The following CFAP69 variants were observed in gnomAD, a reference collection of about 807,000 sequenced individuals.
CFAP69 encodes the protein cilia- and flagella-associated protein 69.
A neutral mutation model predicts 123.0 loss-of-function variants in CFAP69; 92 were observed. The observed-to-expected ratio is 0.75, with a 90% CI of 0.63 to 0.89. The LOEUF is 0.89. Among genes scored for constraint, CFAP69 ranks in the 40% least tolerant of loss-of-function variants. The pLI, the probability that CFAP69 is intolerant of heterozygous loss-of-function variation, is 0.00. For synonymous variants in CFAP69, 380 were observed against 364.3 expected, an observed-to-expected ratio of 1.04 and a Z score of -0.49; for missense variants, 1,067 against 1,096.9, an observed-to-expected ratio of 0.97 and a Z score of 0.39.
chr7:90,257,930 A>AT (rs982943628), intron 2 of CFAP69, among the ~76,000 whole-genome samples, 168 bp from the exon 3 acceptor site: 1 of 152,154 alleles, frequency 6.6e-6, no homozygotes, highest in Non-Finnish European at 1.5e-5. Flanking sequence ...CTGATAGTTT[A>AT]TTTTTACCTT....
rs368963138 is a variant in CFAP69, at chr7:90,290,411, G to A, written c.1775+2059G>A. ...ACCTGAGTCCCAGCTCAGCAGTCAG[G>A]CAGAGGAGTTCCCTCTTACTCAGCC... On this transcript the variant is annotated intron_variant, in intron 15 of 22. Transcript: ENST00000389297. Among the ~76,000 whole-genome samples, 34 of 152,312 alleles carry A rather than the reference G, an allele frequency of 2.2e-4. No homozygotes were observed. In the East Asian group the frequency reaches 5.6e-3, roughly 25 times the overall value.
chr7:90,315,591 G>C (rs1794728408), downstream of CFAP69, among the ~76,000 whole-genome samples: 1 of 152,096 alleles, frequency 6.6e-6, no homozygotes, highest in Non-Finnish European at 1.5e-5. Flanking sequence ...CAGGCACTGA[G>C]GCCTACTTGA....
At position 90,271,964 on chromosome 7, in the gene CFAP69, C is replaced by A; in HGVS notation, c.860+6C>A. 1 of 1,605,928 alleles carries A rather than the reference C, an allele frequency of 6.2e-7. No individual in the cohort carries two copies. The highest frequency in any genetic ancestry group is 1.1e-5 in the South Asian group (1 of 89,442). On this transcript the variant is annotated splice_donor_region_variant and intron_variant, in intron 8 of 22. Coordinates refer to ENST00000389297, the MANE Select transcript of CFAP69 (RefSeq NM_001039706.3). ...AGTAACTTGGAATGTTTGCTGTAAG[C>A]GTATGTGGTTAGATAGGAATGTTCT... is the stretch of plus-strand genomic sequence containing the variant.
intron 3 of CFAP69, among the ~76,000 whole-genome samples, chr7:90,259,466 TGGGG>T (rs1368457514): frequency 3.3e-4 from 38 of 116,354 alleles, no homozygotes; most frequent in African/African-American, 1.3e-3. Context: ...TGTTTTGTTT[TGGGG>T]TGTTTGTTTG....
In CFAP69 at chr7:90,310,244, T is replaced by A; in HGVS notation, c.*6T>A. 6.3e-7 allele frequency: 1 copy of A among 1,581,536 alleles called. No individual in the cohort carries two copies. The highest frequency in any genetic ancestry group is 8.6e-7 in the Non-Finnish European group (1 of 1,162,172). On this transcript the variant is annotated 3_prime_UTR_variant, in exon 23 of 23. Coordinates refer to ENST00000389297, the MANE Select transcript of CFAP69 (RefSeq NM_001039706.3). Reference sequence around the variant, plus strand: ...AAAAGAGTATTCCTACGTAATATACTATAGAGACTTTTTGAAATAAAGTCA... The same window carrying A: ...AAAAGAGTATTCCTACGTAATATACAATAGAGACTTTTTGAAATAAAGTCA...
chr7:90,271,908 A>G lies in CFAP69; in HGVS notation c.810A>G (p.Lys270=). The change falls in exon 8 of 23, where the codon AAA becomes AAG. Residue 270 remains lysine (K), a synonymous_variant. Transcript: ENST00000389297. The part of the protein sequence containing the change: ...SSEILWNLLE[K]SSKEEVIQQL... Reference sequence around the variant, plus strand: ...AAATACTTTGGAACTTGCTGGAAAAATCTTCAAAAGAAGAAGTCATACAAC... The same window carrying G: ...AAATACTTTGGAACTTGCTGGAAAAGTCTTCAAAAGAAGAAGTCATACAAC... 1 of 1,613,224 alleles carries G rather than the reference A, an allele frequency of 6.2e-7. No homozygotes were observed.
rs971880168 is a variant in CFAP69 at position 90,307,783 on chromosome 7, A to G, written c.2479A>G (p.Lys827Glu). ...KVYAKIQATH[K>E]QRELANKSWE... The stretch of plus-strand genomic sequence containing the variant: ...CTCATTTCAGATACAGGCCACGCAC[A>G]AGCAAAGAGAGCTGGCTAATAAATC... Residue 827 changes from lysine (K) to glutamate (E), a missense_variant, in exon 21 of 23, where the codon AAG becomes GAG. Transcript: ENST00000389297. 1 of 1,607,144 alleles carries G rather than the reference A, an allele frequency of 6.2e-7. No homozygotes were observed. The highest frequency in any genetic ancestry group is 1.7e-5 in the Admixed American group (1 of 58,674).
At chr7:90,319,709 C>T in the CFAP69 span, 2 of 398,200 alleles carry the variant, frequency 5.0e-6, no homozygotes, top group Non-Finnish European at 8.8e-6. Flanking sequence ...ATCATGCAGC[C>T]CAAATGTAGA....
At chr7:90,256,846 T>C (rs536873063) in intron 2 of CFAP69, among the ~76,000 whole-genome samples, 6 of 152,214 alleles carry the variant, frequency 3.9e-5, no homozygotes, top group Non-Finnish European at 7.3e-5. Flanking sequence ...TTCAGGAACA[T>C]TTAAGATTAA....
intron 15 of CFAP69, among the ~76,000 whole-genome samples, chr7:90,292,695 G>A (rs1791368053): frequency 6.6e-6 from 1 of 152,150 alleles, no homozygotes; most frequent in African/African-American, 2.4e-5. Context: ...AAGATGAGTT[G>A]TCTTGACTCT....
chr7:90,304,367 G>T (rs1237484216), intron 18 of CFAP69: 32 of 1,225,628 alleles, frequency 2.6e-5, no homozygotes, highest in Non-Finnish European at 3.1e-5. Context: ...AGTTAGTTTA[G>T]ATGATTAAGC....
At chr7:90,321,667 A>C in the CFAP69 span, among the ~76,000 whole-genome samples, 1 of 152,200 alleles carries the variant, frequency 6.6e-6, no homozygotes. Context: ...AATTCTCTTA[A>C]GGCTGTGAAC....
chr7:90,288,621 A>C (rs1336421003), intron 15 of CFAP69, among the ~76,000 whole-genome samples: 3 of 152,118 alleles, frequency 2.0e-5, no homozygotes, highest in Non-Finnish European at 4.4e-5. Context: ...ATCTAAACAT[A>C]CCTAAACATT....
intron 19 of CFAP69, 98 bp downstream of exon 19, chr7:90,304,918 A>G (rs1290487625): frequency 1.6e-5 from 14 of 882,294 alleles, no homozygotes; most frequent in Non-Finnish European, 2.2e-5. Flanking sequence ...AATCATCTAC[A>G]TACTGTATAG....
chr7:90,253,101 C>T (rs573308094), intron 1 of CFAP69, among the ~76,000 whole-genome samples: 13 of 152,210 alleles, frequency 8.5e-5, no homozygotes, highest in African/African-American at 3.1e-4. Context: ...ATCATTACAT[C>T]ACCTTTTCAA....
chr7:90,283,886 CAATAAT>C (rs1043101554), intron 13 of CFAP69, among the ~76,000 whole-genome samples: 1 of 151,328 alleles, frequency 6.6e-6, no homozygotes, highest in East Asian at 1.9e-4. Context: ...TGGTGCTCTC[CAATAAT>C]AATAATAATA....
the CFAP69 span, chr7:90,316,939 T>C: frequency 1.3e-5 from 2 of 152,192 alleles, no homozygotes; most frequent in Non-Finnish European, 2.9e-5. Flanking sequence ...GTACATGGTC[T>C]CACTTTACAG....
intron 3 of CFAP69, among the ~76,000 whole-genome samples, chr7:90,261,064 T>C (rs548677159): frequency 6.6e-6 from 1 of 151,372 alleles, no homozygotes; most frequent in South Asian, 2.1e-4. Context: ...CAATGAAATG[T>C]GTTTATGTGC....
chr7:90,299,921 G>A lies in CFAP69; in HGVS notation c.1912G>A (p.Asp638Asn), dbSNP rs1792534604. The A allele has an allele frequency of 2.5e-6, 4 of 1,610,468 alleles. No individual in the cohort carries two copies. The highest frequency in any genetic ancestry group is 1.1e-5 in the South Asian group (1 of 90,558). ...LILGIMVEFC[D>N]NPKTAAHVNA... ...ACTTGGAATAATGGTTGAATTTTGTGATAATCCCAAAACTGCAGCTCATGT... is the reference window on the plus strand; with the variant it reads ...ACTTGGAATAATGGTTGAATTTTGTAATAATCCCAAAACTGCAGCTCATGT... The change falls in exon 17 of 23, where the codon GAT becomes AAT. Residue 638 changes from aspartate (D) to asparagine (N), a missense_variant. Asp to Asn is a conservative substitution (Grantham distance 23). Coordinates refer to ENST00000389297, the MANE Select transcript of CFAP69 (RefSeq NM_001039706.3).
Sources: gnomAD v4.1 joint callset for allele counts (sites outside exome capture counted in the v4.1 genomes callset) on GRCh38, gnomAD v4.1.1 for gene constraint, MANE v1.5 for transcripts, NCBI Gene and HGNC (gene_info 2026-07-23, HGNC 2026-07-21) for gene names.